The following PRIM2 variants were observed in gnomAD, a reference collection of about 807,000 sequenced individuals.
PRIM2 encodes the protein DNA primase subunit 2.
A neutral mutation model predicts 67.3 loss-of-function variants in PRIM2; 39 were observed. That is an observed-to-expected ratio of 0.58 (90% confidence interval 0.45 to 0.76). The LOEUF is 0.76. Ranked by LOEUF, PRIM2 falls within the 30% of genes least tolerant of loss-of-function variation. The pLI is 0.00. For missense variants in PRIM2, 398 were observed against 598.7 expected, an observed-to-expected ratio of 0.66 and a Z score of 3.50; for synonymous variants, 143 against 198.7, an observed-to-expected ratio of 0.72 and a Z score of 2.36.
Position 57,570,442 on chromosome 6 carries a change from T to A in PRIM2, c.1021-30651T>A, listed in dbSNP as rs1270087106. 3.3e-5 allele frequency among the ~76,000 whole-genome samples: 5 copies of A among 152,380 alleles called. No homozygotes were observed. In the South Asian group the frequency reaches 1.0e-3, roughly 32 times the overall value. On this transcript the variant is annotated intron_variant, in intron 10 of 13. Coordinates refer to ENST00000615550, the MANE Select transcript of PRIM2 (RefSeq NM_000947.5). ...AACTTGATTATATTTTCCTATTCAC[T>A]GTCAGTAATAATCTTGACTATCCCA... is the stretch of plus-strand genomic sequence containing the variant.
intron 10 of PRIM2, among the ~76,000 whole-genome samples, chr6:57,580,371 G>T (rs1776059176): frequency 6.6e-6 from 1 of 152,164 alleles, no homozygotes; most frequent in Non-Finnish European, 1.5e-5. Context: ...TAGGTTCATG[G>T]CTGAGGTCCT....
chr6:57,315,903 T>C (rs1044523942), upstream of PRIM2, among the ~76,000 whole-genome samples: 1 of 152,212 alleles, frequency 6.6e-6, no homozygotes, highest in African/African-American at 2.4e-5. Context: ...TGATGCAGGT[T>C]TTTTCAGGCA....
chr6:57,341,025 A>G (rs141924727), intron 5 of PRIM2, among the ~76,000 whole-genome samples: 160 of 152,280 alleles, frequency 1.1e-3, no homozygotes, highest in South Asian at 2.9e-3. Context: ...TCACTTTGCT[A>G]ATCATTTGAG....
chr6:57,355,817 T>C (rs1769013697), intron 5 of PRIM2, among the ~76,000 whole-genome samples: 2 of 152,048 alleles, frequency 1.3e-5, no homozygotes, highest in Admixed American at 1.3e-4. Context: ...TTGTACTTTT[T>C]TTTTCTGTAG....
chr6:57,264,503 A>G, the PRIM2 span, among the ~76,000 whole-genome samples: 1 of 151,960 alleles, frequency 6.6e-6, no homozygotes, highest in East Asian at 1.9e-4. Context: ...AGCCAGCCCC[A>G]TCATTTTATC....
chr6:57,439,895 GCTTA>G (rs1164902526), intron 7 of PRIM2, among the ~76,000 whole-genome samples: 2 of 152,004 alleles, frequency 1.3e-5, no homozygotes, highest in Non-Finnish European at 2.9e-5. Context: ...CAGAATTCAG[GCTTA>G]CTTCCTGAAT....
the PRIM2 span, among the ~76,000 whole-genome samples, chr6:57,238,485 G>C: frequency 6.6e-6 from 1 of 152,136 alleles, no homozygotes; most frequent in African/African-American, 2.4e-5. Flanking sequence ...ATGAAATGAA[G>C]GCAGAAATAA....
chr6:57,561,079 A>G lies in PRIM2; in HGVS notation c.1020+23454A>G. Among the ~76,000 whole-genome samples, 4 of 152,272 alleles carry G rather than the reference A, an allele frequency of 2.6e-5. No homozygotes were observed. In the Middle Eastern group the frequency reaches 0.014, roughly 518 times the overall value. On this transcript the variant is annotated intron_variant, in intron 10 of 13. Coordinates refer to ENST00000615550, the MANE Select transcript of PRIM2 (RefSeq NM_000947.5). ...TATTCACATTGAAAATGTGTTGTTT[A>G]GTATAGCCACCTTTGTCATCTTAGC... is the stretch of plus-strand genomic sequence containing the variant.
At chr6:57,280,556 C>G in the PRIM2 span, among the ~76,000 whole-genome samples, 1 of 152,122 alleles carries the variant, frequency 6.6e-6, no homozygotes, top group Non-Finnish European at 1.5e-5. Context: ...GTCACCCAGG[C>G]TGGAGTGCAA....
chr6:57,507,592 G>A, intron 8 of PRIM2, 138 bp downstream of exon 8: 1 of 1,082,890 alleles, frequency 9.2e-7, no homozygotes, highest in East Asian at 2.6e-5. Context: ...TATTCAAATT[G>A]AAGTTCTTAA....
chr6:57,428,101 A>C (rs1305035964), intron 7 of PRIM2, among the ~76,000 whole-genome samples: 15 of 143,964 alleles, frequency 1.0e-4, no homozygotes, highest in Non-Finnish European at 2.0e-4. Context: ...GCTTAATTTT[A>C]AACATTTAGA....
intron 12 of PRIM2, among the ~76,000 whole-genome samples, chr6:57,625,053 A>G (rs1420980753): frequency 1.3e-5 from 2 of 152,212 alleles, no homozygotes; most frequent in East Asian, 3.9e-4. Flanking sequence ...AACCGCCCAC[A>G]TGATTCAATT....
intron 13 of PRIM2, among the ~76,000 whole-genome samples, chr6:57,639,294 A>G (rs1448928554): frequency 2.0e-5 from 3 of 152,158 alleles, no homozygotes; most frequent in Non-Finnish European, 4.4e-5. Context: ...CCCACAAGAG[A>G]AACCAAGAAA....
At chr6:57,320,980 T>C (rs1767635805) in intron 3 of PRIM2, among the ~76,000 whole-genome samples, 1 of 152,160 alleles carries the variant, frequency 6.6e-6, no homozygotes, top group Non-Finnish European at 1.5e-5. Context: ...TTGGGAAGGC[T>C]TTCCAGAAGA....
chr6:57,252,234 A>T, the PRIM2 span, among the ~76,000 whole-genome samples: 10 of 152,352 alleles, frequency 6.6e-5, no homozygotes, highest in African/African-American at 2.2e-4. Context: ...ATTGGTCTAC[A>T]GAATGTGTCA....
At chr6:57,229,458 C>CT in the PRIM2 span, among the ~76,000 whole-genome samples, 83 of 151,204 alleles carry the variant, frequency 5.5e-4, no homozygotes, top group Admixed American at 4.6e-3. Flanking sequence ...GCTTTTTAAT[C>CT]TTTTTTTGCA....
chr6:57,567,683 C>T (rs1229067927), intron 10 of PRIM2, among the ~76,000 whole-genome samples: 2 of 152,066 alleles, frequency 1.3e-5, no homozygotes, highest in Non-Finnish European at 2.9e-5. Flanking sequence ...TGCCCTTTGC[C>T]TTTTCCCCCC....
chr6:57,624,186 C>T (rs1397682675), intron 12 of PRIM2, among the ~76,000 whole-genome samples: 3 of 152,118 alleles, frequency 2.0e-5, no homozygotes, highest in Non-Finnish European at 4.4e-5. Flanking sequence ...CAACATGTTT[C>T]TCCGTATCTC....
At chr6:57,355,588 A>C (rs1430051304) in intron 5 of PRIM2, among the ~76,000 whole-genome samples, 1 of 152,116 alleles carries the variant, frequency 6.6e-6, no homozygotes, top group Non-Finnish European at 1.5e-5. Context: ...TAGACTGGTC[A>C]AGTGTGTCTG....
Sources: allele counts gnomAD v4.1 joint callset (sites outside exome capture counted in the v4.1 genomes callset), GRCh38; gene constraint gnomAD v4.1.1; transcripts MANE v1.5; gene names NCBI Gene and HGNC (gene_info 2026-07-23, HGNC 2026-07-21).